Variants in GRK2 observed in about 807,000 individuals in gnomAD.
GRK2 encodes G protein-coupled receptor kinase 2, also known as adrenergic beta receptor kinase 1.
GRK2 carries 23 observed loss-of-function variants against 97.8 expected under a neutral mutation model. That is an observed-to-expected ratio of 0.24 (90% CI 0.17 to 0.33). GRK2 has a LOEUF of 0.33. Among genes scored for constraint, GRK2 ranks in the 10% least tolerant of loss-of-function variants. The pLI is 1.00. For missense variants in GRK2, 633 were observed against 956.9 expected (o/e 0.66, Z 4.47); for synonymous variants, 425 against 381.7 (o/e 1.11, Z -1.32).
chr11:67,285,101 C>A lies in GRK2; in HGVS notation c.1818C>A (p.Ile606=), dbSNP rs773591029. The A allele has an allele frequency of 6.2e-7, 1 of 1,613,426 alleles. No individual in the cohort carries two copies. The highest frequency in any genetic ancestry group is 1.3e-5 in the African/African-American group (1 of 75,044). ...APQSLLTMEE[I]QSVEETQIKE... The stretch of plus-strand genomic sequence containing the variant: ...AGAGCCTGCTGACCATGGAGGAGAT[C>A]CAGTCGGTGGAGGAGACGCAGATCA... The change falls in exon 20 of 21, where the codon ATC becomes ATA. Residue 606 remains isoleucine (I), a synonymous_variant. Coordinates refer to ENST00000308595, the MANE Select transcript of GRK2 (RefSeq NM_001619.5).
chr11:67,272,684 G>A (rs1354482030), intron 1 of GRK2, among the ~76,000 whole-genome samples: 1 of 152,254 alleles, frequency 6.6e-6, no homozygotes, highest in Non-Finnish European at 1.5e-5. Flanking sequence ...AGGTGGGACT[G>A]ACTGCTCCTT....
intron 6 of GRK2, chr11:67,280,486 T>C (rs771713235): frequency 1.7e-6 from 1 of 583,840 alleles, no homozygotes; most frequent in Non-Finnish European, 3.1e-6. Context: ...TGTGCGGATC[T>C]GATTCCAGCA....
At chr11:67,274,754 A>G (rs750502749) in intron 1 of GRK2, among the ~76,000 whole-genome samples, 2 of 151,852 alleles carry the variant, frequency 1.3e-5, no homozygotes, top group Non-Finnish European at 2.9e-5. Context: ...AAACACCACA[A>G]TCTCCGTCCA....
In GRK2 at chr11:67,286,159, C is replaced by A; in HGVS notation, c.*709C>A. On this transcript the variant is annotated 3_prime_UTR_variant, in exon 21 of 21. Transcript: ENST00000308595. ...CACAGCAAGGCACCTGCAGGTTGGG[C>A]CATACTGGCCTCGCCTGGCCTGAGG... 1 of 506,844 alleles carries A rather than the reference C, an allele frequency of 2.0e-6. No homozygotes were observed. Among genetic ancestry groups the A allele is most frequent in the Non-Finnish European group, 3.5e-6 (1 of 288,680 alleles). The allele number at this position is 506,844 out of a possible 1,614,324, so 31.4% of individuals were successfully genotyped here. A position where few individuals can be genotyped will look rare whatever the true frequency, so the allele number is the denominator to read the frequency against.
In GRK2 at chr11:67,282,047, T is replaced by G; in HGVS notation, c.957+95T>G. The G allele has an allele frequency of 6.5e-7, 1 of 1,532,584 alleles. No homozygotes were observed. The highest frequency in any genetic ancestry group is 8.9e-7 in the Non-Finnish European group (1 of 1,120,106). 94.9% of individuals were successfully genotyped at this position (1,532,584 alleles called of 1,614,324 possible). ...ACCAGGCCCAGAGGAGTGGGGCTCC[T>G]GGGACATGGCCGCCCCGTATCTTCC... is the stretch of plus-strand genomic sequence containing the variant. On this transcript the variant is annotated intron_variant, in intron 11 of 20. Coordinates refer to ENST00000308595, the MANE Select transcript of GRK2 (RefSeq NM_001619.5). This position sits in a 1 kb window ranked among gnomAD's most constrained non-coding sequence, Gnocchi z 6.9.
Position 67,285,143 on chromosome 11 carries a change from G to A in GRK2, c.1860G>A (p.Leu620=). ...CGCAGATCAAGGAGCGCAAGTGCCT[G>A]CTCCTCAAGATCCGCGGTGGGAAAC... ...EETQIKERKC[L]LLKIRGGKQF... Residue 620 remains leucine, a synonymous_variant, in exon 20 of 21, where the codon CTG becomes CTA. Transcript: ENST00000308595. 6.2e-7 allele frequency: 1 copy of A among 1,613,624 alleles called. No individual in the cohort carries two copies. Among genetic ancestry groups the A allele is most frequent in the African/African-American group, 1.3e-5 (1 of 75,064 alleles).
chr11:67,286,422 T>TC lies in GRK2; in HGVS notation c.*979dup, dbSNP rs781487718. ...GCTGCCTGTGTGGTGTCGCGCCTTC[T>TC]CCCCCCCGGGGCTGGGTTGGCGCAC... On this transcript the variant is annotated 3_prime_UTR_variant, in exon 21 of 21. Coordinates refer to ENST00000308595, the MANE Select transcript of GRK2 (RefSeq NM_001619.5). The TC allele has an allele frequency of 2.3e-5, 16 of 698,626 alleles. No individual in the cohort carries two copies. Among genetic ancestry groups the TC allele is most frequent in the East Asian group, 2.7e-5 (1 of 37,056 alleles). 43.3% of individuals were successfully genotyped at this position (698,626 alleles called of 1,614,324 possible). A position where few individuals can be genotyped will look rare whatever the true frequency, so the allele number is the denominator to read the frequency against.
chr11:67,286,030 CT>C lies in GRK2; in HGVS notation c.*581del. On this transcript the variant is annotated 3_prime_UTR_variant, in exon 21 of 21. Transcript: ENST00000308595. ...ACTGGCTGCCTCCACTCCCACTTCC[CT>C]GACACTGCGGGGCTTGGCTGAGAGA... 1 of 288,034 alleles carries C rather than the reference CT, an allele frequency of 3.5e-6. No homozygotes were observed. Among genetic ancestry groups the C allele is most frequent in the East Asian group, 9.6e-5 (1 of 10,434 alleles). 17.8% of individuals were successfully genotyped at this position (288,034 alleles called of 1,614,324 possible).
intron 1 of GRK2, among the ~76,000 whole-genome samples, chr11:67,270,485 C>G (rs1397208337): frequency 6.6e-6 from 1 of 152,100 alleles, no homozygotes; most frequent in African/African-American, 2.4e-5. Flanking sequence ...TTCCTGTTAA[C>G]TCTTCGCAGC....
chr11:67,279,756 ACAAGCCTGGTCAG>A, intron 5 of GRK2, 56 bp downstream of exon 5: 1 of 1,612,992 alleles, frequency 6.2e-7, no homozygotes, highest in South Asian at 1.1e-5. Context: ...CCCCTGGTCA[ACAAGCCTGGTCAG>A]CCAGGGGTGG....
In GRK2 at chr11:67,282,437, G is replaced by T. The variant is rs1385231599; in HGVS notation, c.1055G>T (p.Gly352Val). ...FSKKKPHASV[G>V]THGYMAPEVL... Reference sequence around the variant, plus strand: ...TTATGGCCCCCTTGCTCCCACAGGGGCACCCACGGGTACATGGCTCCGGAG... The same window carrying T: ...TTATGGCCCCCTTGCTCCCACAGGGTCACCCACGGGTACATGGCTCCGGAG... The change falls in exon 13 of 21, where the codon GGC (glycine) becomes GTC (valine). Residue 352 changes from glycine (G) to valine (V), a missense_variant and splice_region_variant. Physicochemically the swap from Gly to Val is moderately radical, Grantham distance 109 (BLOSUM62 -3). Transcript: ENST00000308595. This position sits in a 1 kb window ranked among gnomAD's most constrained non-coding sequence, Gnocchi z 6.9. 1 of 1,613,550 alleles carries T rather than the reference G, an allele frequency of 6.2e-7. No individual in the cohort carries two copies. The highest frequency in any genetic ancestry group is 8.5e-7 in the Non-Finnish European group (1 of 1,179,922).
chr11:67,273,037 G>A (rs1859944591), intron 1 of GRK2, among the ~76,000 whole-genome samples: 1 of 152,266 alleles, frequency 6.6e-6, no homozygotes, highest in African/African-American at 2.4e-5. Flanking sequence ...ACGGCGGGCA[G>A]CATGGCCAGC....
rs760863502 is a variant in GRK2 at position 67,279,843 on chromosome 11, A to G, written c.446A>G (p.Tyr149Cys). The G allele has an allele frequency of 1.5e-5, 24 of 1,613,876 alleles. No individual in the cohort carries two copies. Among genetic ancestry groups the G allele is most frequent in the Non-Finnish European group, 1.9e-5 (22 of 1,179,998 alleles). Reference sequence around the variant, plus strand: ...ACTTCCAGCTTCCTCCCTTAGCCATACATCGAAGAGATTTGTCAAAACCTC... The same window carrying G: ...ACTTCCAGCTTCCTCCCTTAGCCATGCATCGAAGAGATTTGTCAAAACCTC... ...KQVPPDLFQP[Y>C]IEEICQNLRG... Residue 149 changes from tyrosine to cysteine, a missense_variant, in exon 6 of 21, where the codon TAC (tyrosine) becomes TGC (cysteine). Physicochemically the swap from Tyr to Cys is radical, Grantham distance 194. This residue lies in a region of GRK2 where 193 missense variants were observed against 212.2 expected (regional missense o/e 0.91). Transcript: ENST00000308595.
At chr11:67,284,700 G>A (rs1173899905) in intron 18 of GRK2, 147 bp from the exon 19 acceptor site, 2 of 1,097,558 alleles carry the variant, frequency 1.8e-6, no homozygotes, top group Admixed American at 2.7e-5. Context: ...GAGGCGGGAG[G>A]ATCGTTTGAA....
chr11:67,283,664 C>G, intron 15 of GRK2, 43 bp from the exon 16 acceptor site: 2 of 1,604,024 alleles, frequency 1.2e-6, no homozygotes, highest in Non-Finnish European at 1.7e-6. Flanking sequence ...AAGCCCGGGA[C>G]TCAGGGTGGG....
chr11:67,266,679 G>A lies in GRK2; in HGVS notation c.-21G>A. 2 of 1,119,950 alleles carry A rather than the reference G, an allele frequency of 1.8e-6. No individual in the cohort carries two copies. The highest frequency in any genetic ancestry group is 6.8e-5 in the South Asian group (2 of 29,596). The allele number at this position is 1,119,950 out of a possible 1,614,324, so 69.4% of individuals were successfully genotyped here. On this transcript the variant is annotated 5_prime_UTR_variant, in exon 1 of 21. Transcript: ENST00000308595. ...GGCGGCGGCGGCGGCGGCGGCGGGA[G>A]GAGGCAGCGCCGCCGCCAAGATGGC...
intron 1 of GRK2, among the ~76,000 whole-genome samples, chr11:67,273,589 A>G (rs1009523813): frequency 2.8e-4 from 42 of 151,954 alleles, no homozygotes; most frequent in Admixed American, 2.2e-3. Context: ...TAGACAGGAA[A>G]CCCTAAAATT....
chr11:67,279,549 G>A lies in GRK2; in HGVS notation c.366+30G>A. 3 of 1,612,660 alleles carry A rather than the reference G, an allele frequency of 1.9e-6. No homozygotes were observed. In the South Asian group the frequency reaches 3.3e-5, roughly 18 times the overall value. On this transcript the variant is annotated intron_variant, in intron 4 of 20. Transcript: ENST00000308595. ...GTGTCCTCAGCTGGCCCTGTGTGCTGGCCCAGAGTCACCTGCAGATTGGGA... is the reference window on the plus strand; with the variant it reads ...GTGTCCTCAGCTGGCCCTGTGTGCTAGCCCAGAGTCACCTGCAGATTGGGA...
At chr11:67,277,779 C>G (rs1347785064) in intron 2 of GRK2, among the ~76,000 whole-genome samples, 1 of 152,214 alleles carries the variant, frequency 6.6e-6, no homozygotes, top group African/African-American at 2.4e-5. Context: ...GGTGTTGGCC[C>G]TCCATTCCTC....
Sources: allele counts gnomAD v4.1 joint callset (sites outside exome capture counted in the v4.1 genomes callset), GRCh38; gene constraint gnomAD v4.1.1; regional missense constraint gnomAD v4.1.1; non-coding constraint Gnocchi (gnomAD v3.1); transcripts MANE v1.5; gene names NCBI Gene and HGNC (gene_info 2026-07-23, HGNC 2026-07-21).